The following DLC1 variants were observed in gnomAD, a reference collection of about 807,000 sequenced individuals.
DLC1 encodes rho GTPase-activating protein 7.
DLC1 carries 54 observed loss-of-function variants against 140.3 expected under a neutral mutation model. The observed-to-expected ratio is 0.38, with a 90% confidence interval of 0.31 to 0.48. The LOEUF is 0.48. Ranked by LOEUF, DLC1 falls within the 20% of genes least tolerant of loss-of-function variation. DLC1 has a pLI of 0.96. For synonymous variants in DLC1, 986 were observed against 728.1 expected (o/e 1.35, Z -5.70); for missense variants, 2,536 against 1,907.0 (o/e 1.33, Z -6.14).
In DLC1 at chr8:13,083,724, T is replaced by C. The variant is rs1407159150; in HGVS notation, c.*2087A>G. On this transcript the variant is annotated 3_prime_UTR_variant, in exon 18 of 18. Coordinates refer to ENST00000276297, the MANE Select transcript of DLC1 (RefSeq NM_182643.3). ...TGTTGGAGAGAATCTCCGTGCTTCC[T>C]GAACCTTCACCAGGGTTTCCTGTTT... 3 of 152,682 alleles carry C rather than the reference T, an allele frequency of 2.0e-5. No homozygotes were observed. Among genetic ancestry groups the C allele is most frequent in the Admixed American group, 6.5e-5 (1 of 15,280 alleles). 9.5% of individuals were successfully genotyped at this position (152,682 alleles called of 1,614,324 possible).
At chr8:13,550,943 A>C (rs1803824246) in intron 1 of DLC1, among the ~76,000 whole-genome samples, 1 of 151,986 alleles carries the variant, frequency 6.6e-6, no homozygotes, top group African/African-American at 2.4e-5. Flanking sequence ...AAATGAAGTT[A>C]AATATGTTTT....
chr8:13,192,694 GA>G (rs1826828553), intron 5 of DLC1, among the ~76,000 whole-genome samples: 1 of 152,184 alleles, frequency 6.6e-6, no homozygotes, highest in South Asian at 2.1e-4. Context: ...GGTCTTTAAA[GA>G]GGTGAGTGGG....
At chr8:13,547,653 T>A (rs557121508) in intron 1 of DLC1, among the ~76,000 whole-genome samples, 5 of 152,074 alleles carry the variant, frequency 3.3e-5, no homozygotes, top group Non-Finnish European at 7.4e-5. Context: ...GGCAAATTTG[T>A]CAAGGTTAGA....
chr8:13,493,128 CA>C (rs746613759), intron 2 of DLC1, among the ~76,000 whole-genome samples: 2 of 152,126 alleles, frequency 1.3e-5, no homozygotes, highest in Non-Finnish European at 2.9e-5. Flanking sequence ...AGTGTCAAAA[CA>C]AGGGGATTTG....
chr8:13,112,158 T>A (rs566351470), intron 6 of DLC1, among the ~76,000 whole-genome samples: 1 of 151,950 alleles, frequency 6.6e-6, no homozygotes, highest in East Asian at 1.9e-4. Flanking sequence ...CTGAAAAAAA[T>A]AAATAAAAAG....
chr8:13,227,108 G>A (rs761067096), intron 5 of DLC1, among the ~76,000 whole-genome samples: 3 of 152,058 alleles, frequency 2.0e-5, no homozygotes, highest in Non-Finnish European at 4.4e-5. Flanking sequence ...GGCTGGTCTC[G>A]AGCATCTGAG....
intron 2 of DLC1, among the ~76,000 whole-genome samples, chr8:13,412,624 A>G (rs773076343): frequency 3.0e-4 from 45 of 152,246 alleles, no homozygotes; most frequent in Middle Eastern, 3.4e-3. Context: ...TAACCTACGT[A>G]ATGCTTCAGT....
At chr8:13,506,581 G>GTGTGTGTGTATATA (rs1246764417) in intron 1 of DLC1, among the ~76,000 whole-genome samples, 175 of 131,080 alleles carry the variant, frequency 1.3e-3, no homozygotes, top group African/African-American at 5.3e-3. Context: ...GTGTGTGTGT[G>GTGTGTGTGTATATA]TATATATATA....
At chr8:13,227,155 T>A (rs1282455163) in intron 5 of DLC1, among the ~76,000 whole-genome samples, 1 of 152,178 alleles carries the variant, frequency 6.6e-6, no homozygotes, top group Admixed American at 6.5e-5. Flanking sequence ...ATATTATTGC[T>A]AATGATATTA....
At chr8:13,365,112 C>G (rs1199472241) in intron 4 of DLC1, among the ~76,000 whole-genome samples, 1 of 152,152 alleles carries the variant, frequency 6.6e-6, no homozygotes, top group Non-Finnish European at 1.5e-5. Context: ...CCTTAGAAAT[C>G]AAATTCCATT....
intron 2 of DLC1, among the ~76,000 whole-genome samples, chr8:13,466,519 A>G (rs933398890): frequency 6.6e-6 from 1 of 152,082 alleles, no homozygotes; most frequent in African/African-American, 2.4e-5. Context: ...CAGTATCAAC[A>G]TTTCCTGTGG....
chr8:13,532,707 G>A (rs937820570), intron 1 of DLC1, among the ~76,000 whole-genome samples: 5 of 151,964 alleles, frequency 3.3e-5, no homozygotes, highest in Non-Finnish European at 7.4e-5. Flanking sequence ...CTCCCACTTC[G>A]GCCTCCCATA....
intron 5 of DLC1, among the ~76,000 whole-genome samples, chr8:13,231,597 A>G (rs1690045508): frequency 6.6e-6 from 1 of 152,250 alleles, no homozygotes; most frequent in African/African-American, 2.4e-5. Flanking sequence ...TTGGTCTACA[A>G]TTCTACATAT....
At chr8:13,187,829 G>A (rs1826473588) in intron 5 of DLC1, among the ~76,000 whole-genome samples, 1 of 152,164 alleles carries the variant, frequency 6.6e-6, no homozygotes, top group South Asian at 2.1e-4. Flanking sequence ...CCCTGTGACT[G>A]CTCCCCAGGG....
At chr8:13,531,330 A>G (rs1803090320) in intron 1 of DLC1, among the ~76,000 whole-genome samples, 1 of 152,224 alleles carries the variant, frequency 6.6e-6, no homozygotes, top group African/African-American at 2.4e-5. Flanking sequence ...TCATGCCTGT[A>G]ATCCCAGCAA....
At chr8:13,472,684 G>A (rs1195559533) in intron 2 of DLC1, among the ~76,000 whole-genome samples, 2 of 152,144 alleles carry the variant, frequency 1.3e-5, no homozygotes, top group Non-Finnish European at 2.9e-5. Flanking sequence ...TATGCCATTT[G>A]CCAAATCAGA....
At chr8:13,153,210 C>T (rs1247822321) in intron 5 of DLC1, among the ~76,000 whole-genome samples, 1 of 152,116 alleles carries the variant, frequency 6.6e-6, no homozygotes, top group Non-Finnish European at 1.5e-5. Flanking sequence ...GGGTTTTTTT[C>T]CTTCTGGTGG....
At chr8:13,550,529 C>T (rs969164099) in intron 1 of DLC1, among the ~76,000 whole-genome samples, 39 of 152,120 alleles carry the variant, frequency 2.6e-4, no homozygotes, top group Non-Finnish European at 5.9e-5. Context: ...AGGTAAGTCT[C>T]ACTCATACCC....
chr8:13,398,116 C>G (rs540269642), intron 3 of DLC1, among the ~76,000 whole-genome samples: 67 of 139,028 alleles, frequency 4.8e-4, no homozygotes, highest in African/African-American at 1.8e-3. Flanking sequence ...GGTGACAGAG[C>G]GAGAGTCCAT....
Sources: gnomAD v4.1 joint callset for allele counts (sites outside exome capture counted in the v4.1 genomes callset) on GRCh38, gnomAD v4.1.1 for gene constraint, MANE v1.5 for transcripts, NCBI Gene and HGNC (gene_info 2026-07-23, HGNC 2026-07-21) for gene names.